Variants in SAMD3 observed in about 807,000 individuals in gnomAD.
SAMD3 encodes sterile alpha motif domain-containing protein 3.
SAMD3 carries 63 observed loss-of-function variants against 58.5 expected under a neutral mutation model. The observed-to-expected ratio is 1.08, with a 90% confidence interval of 0.88 to 1.33. The LOEUF (loss-of-function observed/expected upper bound fraction) is 1.33. Ranked by LOEUF, SAMD3 falls within the 40% of genes most tolerant of loss-of-function variation. SAMD3 has a pLI of 0.00. For synonymous variants in SAMD3, 220 were observed against 210.3 expected (o/e 1.05, Z -0.40); for missense variants, 604 against 608.4 (o/e 0.99, Z 0.08).
intron 5 of SAMD3, among the ~76,000 whole-genome samples, chr6:130,195,985 C>G (rs1339854377): frequency 6.6e-6 from 1 of 152,132 alleles, no homozygotes; most frequent in Non-Finnish European, 1.5e-5. Flanking sequence ...TTTTTCTGTT[C>G]CTTGAAGACA....
chr6:130,158,589 A>G (rs973165899), intron 8 of SAMD3, among the ~76,000 whole-genome samples: 2 of 152,264 alleles, frequency 1.3e-5, no homozygotes, highest in African/African-American at 2.4e-5. Context: ...AAGGTAAGAA[A>G]GGATTTCCTA....
chr6:130,206,212 A>C (rs1178540512), intron 5 of SAMD3, among the ~76,000 whole-genome samples: 1 of 152,228 alleles, frequency 6.6e-6, no homozygotes, highest in African/African-American at 2.4e-5. Context: ...TGAACAAAGC[A>C]ACACTGAAAG....
At chr6:130,268,976 A>G (rs1450706846) in intron 2 of SAMD3, among the ~76,000 whole-genome samples, 1 of 151,878 alleles carries the variant, frequency 6.6e-6, no homozygotes, top group Non-Finnish European at 1.5e-5. Context: ...GGTTCCATTT[A>G]TCATTTTTTT....
chr6:130,170,774 G>A lies in SAMD3; in HGVS notation c.822+5067C>T, dbSNP rs140151907. 2.4e-3 allele frequency among the ~76,000 whole-genome samples: 370 copies of A among 152,222 alleles called. 3 individuals carry two copies. Among genetic ancestry groups the A allele is most frequent in the Middle Eastern group, 0.017 (5 of 294 alleles). ...TTATTGGTGTATAGGAATGCTTGTG[G>A]TTTTTGCACATTGATTTTGTATCCT... On this transcript the variant is annotated intron_variant, in intron 8 of 11. Transcript: ENST00000439090.
intron 2 of SAMD3, among the ~76,000 whole-genome samples, chr6:130,253,668 T>C (rs977606812): frequency 1.3e-5 from 2 of 152,090 alleles, no homozygotes; most frequent in Admixed American, 1.3e-4. Flanking sequence ...TTAAAGTAAA[T>C]ATCAATGCTT....
chr6:130,195,219 CT>C (rs1361531549), intron 5 of SAMD3, among the ~76,000 whole-genome samples: 4 of 152,052 alleles, frequency 2.6e-5, no homozygotes, highest in African/African-American at 7.3e-5. Context: ...TTGTATCCCC[CT>C]ACCTTAACCC....
At chr6:130,339,005 A>G (rs1475312495) in intron 1 of SAMD3, among the ~76,000 whole-genome samples, 1 of 151,986 alleles carries the variant, frequency 6.6e-6, no homozygotes, top group African/African-American at 2.4e-5. Context: ...GGGCAGAATG[A>G]TATGCTCTGG....
chr6:130,362,689 A>C (rs1042940286), intron 1 of SAMD3, among the ~76,000 whole-genome samples: 4 of 152,182 alleles, frequency 2.6e-5, no homozygotes, highest in Non-Finnish European at 4.4e-5. Flanking sequence ...CTGATTATCT[A>C]ATATAGATGA....
chr6:130,241,543 C>T (rs1582995319), intron 2 of SAMD3, among the ~76,000 whole-genome samples: 1 of 152,056 alleles, frequency 6.6e-6, no homozygotes, highest in Non-Finnish European at 1.5e-5. Context: ...ATTTGCTACC[C>T]TAAAACTTTT....
intron 1 of SAMD3, among the ~76,000 whole-genome samples, chr6:130,338,416 C>T (rs528690694): frequency 6.6e-6 from 1 of 152,252 alleles, no homozygotes; most frequent in Non-Finnish European, 1.5e-5. Flanking sequence ...GTAGCCCCCA[C>T]ACAGAATCCC....
At chr6:130,206,691 G>C (rs1795113523) in intron 5 of SAMD3, among the ~76,000 whole-genome samples, 1 of 152,150 alleles carries the variant, frequency 6.6e-6, no homozygotes, top group Non-Finnish European at 1.5e-5. Context: ...AAAGGGCTTA[G>C]GAGAGACTTT....
intron 5 of SAMD3, among the ~76,000 whole-genome samples, chr6:130,201,341 C>G (rs983376147): frequency 1.3e-5 from 2 of 152,268 alleles, no homozygotes. Context: ...AAAAAAAATA[C>G]TGATGCACAA....
At chr6:130,288,057 G>A (rs1188196843) in intron 2 of SAMD3, among the ~76,000 whole-genome samples, 3 of 152,156 alleles carry the variant, frequency 2.0e-5, no homozygotes, top group Non-Finnish European at 4.4e-5. Flanking sequence ...TTGTTTTTAA[G>A]TAGACCATTT....
At chr6:130,325,848 A>G (rs1776741612) in intron 1 of SAMD3, among the ~76,000 whole-genome samples, 2 of 152,186 alleles carry the variant, frequency 1.3e-5, no homozygotes, top group Admixed American at 1.3e-4. Context: ...ACCGATTTAG[A>G]GAATGGGCCA....
At chr6:130,200,287 A>C (rs1161015983) in intron 5 of SAMD3, among the ~76,000 whole-genome samples, 2 of 151,700 alleles carry the variant, frequency 1.3e-5, no homozygotes, top group Non-Finnish European at 2.9e-5. Context: ...TGCGCCTGTA[A>C]TCTAAGCACT....
intron 5 of SAMD3, among the ~76,000 whole-genome samples, chr6:130,205,551 A>G (rs920030939): frequency 9.2e-5 from 14 of 152,060 alleles, no homozygotes; most frequent in African/African-American, 3.4e-4. Flanking sequence ...TGATCCACCC[A>G]CCTCAGCCTC....
intron 8 of SAMD3, among the ~76,000 whole-genome samples, chr6:130,163,695 G>A (rs1326733273): frequency 6.6e-6 from 1 of 152,162 alleles, no homozygotes; most frequent in Non-Finnish European, 1.5e-5. Flanking sequence ...CTGTGGAAAA[G>A]GCTATAAAAT....
intron 1 of SAMD3, among the ~76,000 whole-genome samples, chr6:130,348,749 C>G (rs1249753515): frequency 2.0e-5 from 3 of 152,200 alleles, no homozygotes; most frequent in Admixed American, 1.3e-4. Flanking sequence ...CTACAGAACT[C>G]TCCACCCCAA....
chr6:130,228,393 G>A lies in SAMD3; in HGVS notation c.-187-5580C>T, dbSNP rs567791336. Among the ~76,000 whole-genome samples the A allele has an allele frequency of 4.6e-5, 7 of 152,276 alleles. No homozygotes were observed. The South Asian group carries it at 1.5e-3, about 32-fold the overall frequency. The stretch of plus-strand genomic sequence containing the variant: ...CATGATGAACCTGAAAGTTCAAAAA[G>A]TGCAGGGCTGGGCTAACAAAATGGA... On this transcript the variant is annotated intron_variant, in intron 2 of 13. Coordinates refer to the SAMD3 transcript ENST00000368134.
Sources: gnomAD v4.1 joint callset for allele counts (sites outside exome capture counted in the v4.1 genomes callset) on GRCh38, gnomAD v4.1.1 for gene constraint, MANE v1.5 for transcripts, NCBI Gene and HGNC (gene_info 2026-07-23, HGNC 2026-07-21) for gene names.